Variants in PXDNL observed in about 807,000 individuals in gnomAD.
The protein encoded by PXDNL is peroxidasin like, also known as probable oxidoreductase PXDNL.
A neutral mutation model predicts 150.8 loss-of-function variants in PXDNL; 145 were observed. That is an observed-to-expected ratio of 0.96 (90% confidence interval 0.84 to 1.10). PXDNL has a LOEUF of 1.10. Among genes scored for constraint, PXDNL ranks in the 50% least tolerant of loss-of-function variants. The pLI, the probability that PXDNL is intolerant of heterozygous loss-of-function variation, is 0.00. For synonymous variants in PXDNL, 757 were observed against 725.7 expected (o/e 1.04, Z -0.69); for missense variants, 2,087 against 1,873.9 (o/e 1.11, Z -2.10).
chr8:51,743,795 T>G (rs1438271742), intron 1 of PXDNL, among the ~76,000 whole-genome samples: 1 of 151,942 alleles, frequency 6.6e-6, no homozygotes, highest in Admixed American at 6.6e-5. Flanking sequence ...GAATTACAGG[T>G]GTGAGCCACA....
intron 1 of PXDNL, among the ~76,000 whole-genome samples, chr8:51,754,596 T>C (rs891989046): frequency 6.6e-6 from 1 of 152,070 alleles, no homozygotes; most frequent in Admixed American, 6.5e-5. Flanking sequence ...CTCCGCCTCC[T>C]GGGTTCATTC....
At chr8:51,495,024 T>C (rs1280743662) in intron 5 of PXDNL, among the ~76,000 whole-genome samples, 1 of 152,152 alleles carries the variant, frequency 6.6e-6, no homozygotes, top group African/African-American at 2.4e-5. Context: ...GACCACATAG[T>C]TGGAAGTAAA....
At chr8:51,669,170 GT>G (rs1185752414) in intron 1 of PXDNL, among the ~76,000 whole-genome samples, 2 of 152,120 alleles carry the variant, frequency 1.3e-5, no homozygotes, top group African/African-American at 4.8e-5. Context: ...AAGAAATTTT[GT>G]TAATCAAGTA....
chr8:51,742,854 A>G lies in PXDNL; in HGVS notation c.164+66327T>C, dbSNP rs1397320411. On this transcript the variant is annotated intron_variant, in intron 1 of 22. Transcript: ENST00000356297. The stretch of plus-strand genomic sequence containing the variant: ...AAGAAATGTGACCCAAGCCCGAAGC[A>G]CTTGGCAGATACTGTAAAGACAATC... Among the ~76,000 whole-genome samples the G allele has an allele frequency of 1.1e-4, 16 of 152,268 alleles. No homozygotes were observed. The East Asian group carries it at 2.1e-3, about 20-fold the overall frequency.
chr8:51,341,341 T>G (rs1805979457), intron 20 of PXDNL, among the ~76,000 whole-genome samples: 1 of 152,232 alleles, frequency 6.6e-6, no homozygotes, highest in Non-Finnish European at 1.5e-5. Context: ...TTTGGACATG[T>G]GCATATATAC....
intron 13 of PXDNL, among the ~76,000 whole-genome samples, chr8:51,424,491 CAT>C (rs974437342): frequency 2.6e-5 from 4 of 151,692 alleles, no homozygotes; most frequent in African/African-American, 7.3e-5. Flanking sequence ...TGTATGTACT[CAT>C]ATGTTTTGTA....
intron 1 of PXDNL, among the ~76,000 whole-genome samples, chr8:51,806,156 A>T (rs1267667915): frequency 6.6e-6 from 1 of 152,186 alleles, no homozygotes; most frequent in Non-Finnish European, 1.5e-5. Context: ...GATCAACTGT[A>T]ACCAATCTTA....
rs189930349 is a variant in PXDNL, at chr8:51,622,047, A to T, written c.237-29349T>A. On this transcript the variant is annotated intron_variant, in intron 2 of 22. Transcript: ENST00000356297. ...GGTTTAATCTCAGGAGCCCTTTAAA[A>T]GTAGAGTTTTCTGTAGTTCTGGCAG... 7.1e-4 allele frequency among the ~76,000 whole-genome samples: 108 copies of T among 152,270 alleles called. 1 individual carries two copies. Among genetic ancestry groups the T allele is most frequent in the East Asian group, 1.2e-3 (6 of 5,178 alleles).
intron 1 of PXDNL, among the ~76,000 whole-genome samples, chr8:51,789,681 T>G (rs1277408683): frequency 1.3e-5 from 2 of 152,164 alleles, no homozygotes; most frequent in African/African-American, 2.4e-5. Flanking sequence ...TTTTGCACTC[T>G]GCTTGCACTT....
chr8:51,410,076 A>G (rs1309799962), intron 16 of PXDNL, among the ~76,000 whole-genome samples: 2 of 152,142 alleles, frequency 1.3e-5, no homozygotes, highest in Admixed American at 6.5e-5. Context: ...TTTTCTCTCA[A>G]GTTTTGTGCT....
chr8:51,608,836 C>CAAAAAAAAA (rs59195880), intron 2 of PXDNL, among the ~76,000 whole-genome samples: 11 of 59,558 alleles, frequency 1.8e-4, no homozygotes, highest in Admixed American at 2.3e-4. Flanking sequence ...GACTCTGTCT[C>CAAAAAAAAA]AAAAAAAAAA....
intron 21 of PXDNL, 97 bp from the exon 22 acceptor site, chr8:51,320,994 G>T: frequency 1.1e-6 from 1 of 889,298 alleles, no homozygotes; most frequent in South Asian, 1.5e-5. Flanking sequence ...TATTCTGTAA[G>T]CACACACCTA....
intron 1 of PXDNL, among the ~76,000 whole-genome samples, chr8:51,690,627 C>T (rs1563507923): frequency 6.6e-6 from 1 of 152,188 alleles, no homozygotes; most frequent in African/African-American, 2.4e-5. Flanking sequence ...CCGCAATAAA[C>T]ATATGTGTCC....
intron 19 of PXDNL, among the ~76,000 whole-genome samples, chr8:51,369,219 A>G (rs1807017307): frequency 6.6e-6 from 1 of 152,126 alleles, no homozygotes; most frequent in African/African-American, 2.4e-5. Context: ...GATGGACTCA[A>G]TGTAGTCAAT....
intron 5 of PXDNL, among the ~76,000 whole-genome samples, chr8:51,498,034 A>T (rs1254145274): frequency 6.6e-6 from 1 of 152,088 alleles, no homozygotes; most frequent in Non-Finnish European, 1.5e-5. Context: ...ACCAACCCAA[A>T]TGTCCAACAA....
At chr8:51,400,981 G>C (rs895525983) in intron 17 of PXDNL, among the ~76,000 whole-genome samples, 1 of 152,132 alleles carries the variant, frequency 6.6e-6, no homozygotes, top group Admixed American at 6.6e-5. Context: ...TCTCACCCAA[G>C]CATGTCCCAC....
chr8:51,716,349 T>A (rs1163485185), intron 1 of PXDNL, among the ~76,000 whole-genome samples: 1 of 152,192 alleles, frequency 6.6e-6, no homozygotes, highest in East Asian at 1.9e-4. Flanking sequence ...CCTAAAACAA[T>A]CATATATTCA....
intron 1 of PXDNL, among the ~76,000 whole-genome samples, chr8:51,730,145 A>G (rs1198131566): frequency 2.6e-5 from 4 of 152,178 alleles, no homozygotes; most frequent in East Asian, 3.8e-4. Flanking sequence ...ATATGTGTCA[A>G]TGTAGGTTCA....
In PXDNL at chr8:51,328,718, AACT is replaced by A. The variant is rs1267903525; in HGVS notation, c.4147-7824_4147-7822del. 3.3e-5 allele frequency among the ~76,000 whole-genome samples: 5 copies of A among 152,320 alleles called. No individual in the cohort carries two copies. In the East Asian group the frequency reaches 9.6e-4, roughly 29 times the overall value. ...CAATATAAAAAATGTGAGCATGACA[AACT>A]ACTAGGTGTTACTGTCTTAGTGAGG... On this transcript the variant is annotated intron_variant, in intron 21 of 22. Transcript: ENST00000356297.
Sources: gnomAD v4.1 joint callset for allele counts (sites outside exome capture counted in the v4.1 genomes callset) on GRCh38, gnomAD v4.1.1 for gene constraint, MANE v1.5 for transcripts, NCBI Gene and HGNC (gene_info 2026-07-23, HGNC 2026-07-21) for gene names.